Variants in AGTPBP1 observed in about 807,000 individuals in gnomAD.
The protein encoded by AGTPBP1 is cytosolic carboxypeptidase 1.
A neutral mutation model predicts 143.9 loss-of-function variants in AGTPBP1; 70 were observed. The observed-to-expected ratio is 0.49, with a 90% CI of 0.40 to 0.59. The LOEUF is 0.59. Among genes scored for constraint, AGTPBP1 ranks in the 20% least tolerant of loss-of-function variants. The pLI is 0.00. For synonymous variants in AGTPBP1, 463 were observed against 500.2 expected, an observed-to-expected ratio of 0.93 and a Z score of 0.99; for missense variants, 1,229 against 1,464.5, an observed-to-expected ratio of 0.84 and a Z score of 2.62.
At chr9:85,747,802 GTAA>G in the AGTPBP1 span, among the ~76,000 whole-genome samples, 1 of 151,822 alleles carries the variant, frequency 6.6e-6, no homozygotes, top group African/African-American at 2.4e-5. Context: ...AAAAGAACTG[GTAA>G]TAATAATAAT....
chr9:85,729,400 G>A (rs1307040305), intron 1 of AGTPBP1, among the ~76,000 whole-genome samples: 2 of 152,172 alleles, frequency 1.3e-5, no homozygotes, highest in Non-Finnish European at 2.9e-5. Context: ...AGACCTAAAT[G>A]TAAGACCTAA....
chr9:85,731,742 G>A (rs1047804035), intron 1 of AGTPBP1, among the ~76,000 whole-genome samples: 3 of 152,096 alleles, frequency 2.0e-5, no homozygotes, highest in African/African-American at 7.2e-5. Context: ...GAGCCACCAA[G>A]CCCAGCCCAA....
chr9:85,795,856 G>T, the AGTPBP1 span, among the ~76,000 whole-genome samples: 87 of 70,644 alleles, frequency 1.2e-3, no homozygotes, highest in East Asian at 6.8e-3. Context: ...CTTCTTCTTA[G>T]TTTTTTTTTT....
the AGTPBP1 span, among the ~76,000 whole-genome samples, chr9:85,752,540 C>T: frequency 9.9e-5 from 15 of 152,228 alleles, no homozygotes; most frequent in South Asian, 6.2e-4. Flanking sequence ...ATGAAAAAAA[C>T]GCTCAGTTTT....
chr9:85,573,967 G>T (rs12348683), intron 25 of AGTPBP1, among the ~76,000 whole-genome samples: 169 of 152,374 alleles, frequency 1.1e-3, no homozygotes, highest in African/African-American at 3.9e-3. Context: ...CGTCTGGGAG[G>T]TGTACCCAGC....
intron 3 of AGTPBP1, among the ~76,000 whole-genome samples, chr9:85,685,190 T>C (rs1308656553): frequency 2.0e-5 from 3 of 149,910 alleles, no homozygotes; most frequent in Admixed American, 2.0e-4. Flanking sequence ...ATAGGGAAAA[T>C]AAGGGAGAAA....
intron 13 of AGTPBP1, among the ~76,000 whole-genome samples, chr9:85,639,270 T>C (rs571020867): frequency 6.6e-6 from 1 of 152,180 alleles, no homozygotes; most frequent in East Asian, 1.9e-4. Flanking sequence ...ACATCAAAAT[T>C]ACTGCTTATA....
chr9:85,769,552 C>T, the AGTPBP1 span, among the ~76,000 whole-genome samples: 7 of 147,320 alleles, frequency 4.8e-5, no homozygotes, highest in African/African-American at 1.7e-4. Context: ...AAAAAAAGAA[C>T]TTGTAGGTTT....
chr9:85,681,751 T>TCC (rs904546045), intron 3 of AGTPBP1, among the ~76,000 whole-genome samples: 2 of 145,278 alleles, frequency 1.4e-5, no homozygotes, highest in African/African-American at 5.2e-5. Context: ...ATATCTTTTT[T>TCC]TTTTTTTTTT....
intron 13 of AGTPBP1, among the ~76,000 whole-genome samples, chr9:85,634,590 G>A (rs1831913392): frequency 6.6e-6 from 1 of 152,176 alleles, no homozygotes; most frequent in Admixed American, 6.5e-5. Flanking sequence ...ATTTTTGAAA[G>A]ATCAGATCCT....
chr9:85,778,213 G>A, the AGTPBP1 span, among the ~76,000 whole-genome samples: 2 of 152,140 alleles, frequency 1.3e-5, no homozygotes, highest in African/African-American at 4.8e-5. Flanking sequence ...CCCACTTTAT[G>A]GCTAGATAGG....
intron 13 of AGTPBP1, among the ~76,000 whole-genome samples, chr9:85,636,484 T>C (rs1262129550): frequency 2.0e-5 from 3 of 152,102 alleles, no homozygotes; most frequent in Non-Finnish European, 4.4e-5. Context: ...GGTCTCGATC[T>C]CCTGACTTTG....
chr9:85,789,209 A>G, the AGTPBP1 span, among the ~76,000 whole-genome samples: 1 of 152,176 alleles, frequency 6.6e-6, no homozygotes, highest in Non-Finnish European at 1.5e-5. Flanking sequence ...GCAAACACAC[A>G]TATAAATAAC....
intron 2 of AGTPBP1, among the ~76,000 whole-genome samples, chr9:85,702,476 A>C (rs1027984009): frequency 6.6e-6 from 1 of 150,946 alleles, no homozygotes; most frequent in Non-Finnish European, 1.5e-5. Flanking sequence ...GCCAGTTCAC[A>C]TTTCATCTCT....
upstream of AGTPBP1, among the ~76,000 whole-genome samples, chr9:85,743,686 G>C (rs971177297): frequency 2.0e-5 from 3 of 152,090 alleles, no homozygotes; most frequent in African/African-American, 7.2e-5. Flanking sequence ...GTGGCAGATC[G>C]CGTGCTCTGT....
At chr9:85,671,732 A>T (rs766991775) in intron 7 of AGTPBP1, among the ~76,000 whole-genome samples, 1 of 152,116 alleles carries the variant, frequency 6.6e-6, no homozygotes, top group Non-Finnish European at 1.5e-5. Context: ...TGTTAGTGAG[A>T]GTGTGTGTTT....
chr9:85,760,906 C>T, the AGTPBP1 span, among the ~76,000 whole-genome samples: 1 of 152,130 alleles, frequency 6.6e-6, no homozygotes, highest in Admixed American at 6.5e-5. Context: ...AGCTGATAAG[C>T]AACTTCAGCA....
intron 11 of AGTPBP1, among the ~76,000 whole-genome samples, chr9:85,651,607 G>A (rs1046164399): frequency 6.6e-6 from 1 of 152,032 alleles, no homozygotes; most frequent in African/African-American, 2.4e-5. Flanking sequence ...TTCATCATCT[G>A]ACTGGCTGGA....
rs1838848814 is a variant in AGTPBP1 at position 85,731,097 on chromosome 9, G to C, written c.-34+10678C>G. 2.0e-5 allele frequency among the ~76,000 whole-genome samples: 3 copies of C among 152,194 alleles called. No homozygotes were observed. In the South Asian group the frequency reaches 6.2e-4, roughly 32 times the overall value. The stretch of plus-strand genomic sequence containing the variant: ...ACAATATCCTCAGAAATGAAATGAA[G>C]TTGTGACATCAACTTTTTTAAATTA... On this transcript the variant is annotated intron_variant, in intron 1 of 25. Transcript: ENST00000357081.
Sources: gnomAD v4.1 joint callset for allele counts (sites outside exome capture counted in the v4.1 genomes callset) on GRCh38, gnomAD v4.1.1 for gene constraint, MANE v1.5 for transcripts, NCBI Gene and HGNC (gene_info 2026-07-23, HGNC 2026-07-21) for gene names.